Variants in WDR27 observed in about 807,000 individuals in gnomAD.
WDR27 encodes the protein WD repeat domain 27.
A neutral mutation model predicts 114.4 loss-of-function variants in WDR27; 100 were observed. The ratio of observed to expected loss-of-function variants is 0.87; its 90% CI spans 0.74 to 1.03. The LOEUF (loss-of-function observed/expected upper bound fraction) is 1.03, where lower values mean the gene tolerates loss of function less well. Among genes scored for constraint, WDR27 ranks in the 50% least tolerant of loss-of-function variants. The probability of loss-of-function intolerance (pLI) is 0.00; values close to 1 mark genes in which losing one functional copy is unlikely to be tolerated. For synonymous variants in WDR27, 449 were observed against 423.1 expected, an observed-to-expected ratio of 1.06 and a Z score of -0.75; for missense variants, 1,129 against 1,092.9, an observed-to-expected ratio of 1.03 and a Z score of -0.47.
At chr6:169,569,208 T>G (rs2128125050) in intron 25 of WDR27, among the ~76,000 whole-genome samples, 1 of 151,296 alleles carries the variant, frequency 6.6e-6, no homozygotes, top group South Asian at 2.1e-4. Flanking sequence ...ATTTATGGTT[T>G]ATTTTGATGT....
intron 23 of WDR27, among the ~76,000 whole-genome samples, chr6:169,591,106 C>A (rs1207178467): frequency 2.0e-5 from 3 of 152,156 alleles, no homozygotes; most frequent in African/African-American, 7.2e-5. Flanking sequence ...ACCGACTGTG[C>A]GGGAGCTCCC....
At chr6:169,566,505 CA>C (rs1214005356) in intron 25 of WDR27, among the ~76,000 whole-genome samples, 2 of 152,248 alleles carry the variant, frequency 1.3e-5, no homozygotes, top group African/African-American at 4.8e-5. Context: ...CAAACTATGT[CA>C]CGTGATGAGA....
chr6:169,662,206 G>GTT, intron 9 of WDR27, 98 bp downstream of exon 9: 1 of 1,423,230 alleles, frequency 7.0e-7, no homozygotes, highest in South Asian at 1.3e-5. Context: ...AAATAATTTG[G>GTT]TTTTATCTCA....
At chr6:169,514,282 A>C (rs1770808323) in intron 25 of WDR27, among the ~76,000 whole-genome samples, 1 of 151,422 alleles carries the variant, frequency 6.6e-6, no homozygotes, top group African/African-American at 2.4e-5. Flanking sequence ...AATTATTATA[A>C]ATTATTTCCT....
chr6:169,441,714 A>G, the WDR27 span, among the ~76,000 whole-genome samples: 2 of 152,232 alleles, frequency 1.3e-5, no homozygotes, highest in East Asian at 3.8e-4. Flanking sequence ...GCTAGTGCCA[A>G]TGAATTTTCT....
At chr6:169,474,434 G>A (rs1224966319) in intron 25 of WDR27, among the ~76,000 whole-genome samples, 1 of 152,092 alleles carries the variant, frequency 6.6e-6, no homozygotes, top group Non-Finnish European at 1.5e-5. Context: ...TTTATTATTA[G>A]AAACATGGTA....
At chr6:169,649,660 G>A (rs1308579039) in intron 14 of WDR27, among the ~76,000 whole-genome samples, 2 of 151,896 alleles carry the variant, frequency 1.3e-5, no homozygotes, top group Non-Finnish European at 2.9e-5. Flanking sequence ...GGCAGAACTG[G>A]GGAATCCATA....
In WDR27 at chr6:169,588,108, C is replaced by T. The variant is rs551597680; in HGVS notation, c.2425-5174G>A. ...GGTAACACACAATTTACTGGAGAGA[C>T]GAACAGCTCATGCAGAGGCGATGAG... On this transcript the variant is annotated intron_variant, in intron 23 of 25. Coordinates refer to ENST00000448612, the MANE Select transcript of WDR27 (RefSeq NM_182552.5). Among the ~76,000 whole-genome samples, 3 of 152,212 alleles carry T rather than the reference C, an allele frequency of 2.0e-5. No individual in the cohort carries two copies. The South Asian group carries it at 6.2e-4, about 32-fold the overall frequency.
chr6:169,570,366 A>G (rs1388653622), intron 25 of WDR27, among the ~76,000 whole-genome samples: 2 of 152,224 alleles, frequency 1.3e-5, no homozygotes, highest in African/African-American at 4.8e-5. Flanking sequence ...CAGGAGAGAA[A>G]AAGAACCTTC....
chr6:169,650,624 C>T (rs1487965675), intron 14 of WDR27, among the ~76,000 whole-genome samples: 1 of 147,664 alleles, frequency 6.8e-6, no homozygotes, highest in Non-Finnish European at 1.5e-5. Flanking sequence ...CATGCTCCCA[C>T]TCATCCATCT....
At position 169,667,849 on chromosome 6, in the gene WDR27, G is replaced by A. The variant is rs147268242; in HGVS notation, c.660+133C>T. On this transcript the variant is annotated intron_variant, in intron 5 of 25. Transcript: ENST00000448612. ...TTCTGTGGAAATCAGGATAGCGGGC[G>A]CCTTGCAGAAGTGAGGTAGAAACAA... 1.0e-3 allele frequency: 860 copies of A among 842,182 alleles called. 5 individuals are homozygous for A. The African/African-American group carries it at 0.013, about 13-fold the overall frequency. 52.2% of individuals were successfully genotyped at this position (842,182 alleles called of 1,614,324 possible). A position where few individuals can be genotyped will look rare whatever the true frequency, so the allele number is the denominator to read the frequency against.
intron 23 of WDR27, among the ~76,000 whole-genome samples, chr6:169,591,420 TTC>T (rs1170906457): frequency 5.3e-5 from 8 of 152,222 alleles, no homozygotes; most frequent in Non-Finnish European, 1.2e-4. Flanking sequence ...TTGTCTGCAA[TTC>T]TCTAAGAAAT....
chr6:169,644,115 G>A (rs1317465137), intron 16 of WDR27, among the ~76,000 whole-genome samples: 1 of 147,862 alleles, frequency 6.8e-6, no homozygotes, highest in East Asian at 2.1e-4. Context: ...CTAGTTCACA[G>A]GAGTCACACT....
At chr6:169,461,345 A>C (rs1029186498) in intron 25 of WDR27, among the ~76,000 whole-genome samples, 6 of 152,034 alleles carry the variant, frequency 3.9e-5, no homozygotes, top group African/African-American at 9.7e-5. Flanking sequence ...ACATTTTCCC[A>C]AAATAGATCA....
In WDR27 at chr6:169,468,576, C is replaced by T. The variant is rs1034983205; in HGVS notation, c.2646-10942G>A. ...TCAATTACCTCCCACCAGGTCCCTCCCATGACACATGGGGATTGTGGGAAC... is the reference window on the plus strand; with the variant it reads ...TCAATTACCTCCCACCAGGTCCCTCTCATGACACATGGGGATTGTGGGAAC... On this transcript the variant is annotated intron_variant, in intron 25 of 25. Transcript: ENST00000448612. Among the ~76,000 whole-genome samples, 8 of 152,196 alleles carry T rather than the reference C, an allele frequency of 5.3e-5. No individual in the cohort carries two copies. In the South Asian group the frequency reaches 6.2e-4, roughly 12 times the overall value.
intron 25 of WDR27, among the ~76,000 whole-genome samples, chr6:169,535,398 C>A (rs1457775085): frequency 6.6e-6 from 1 of 152,182 alleles, no homozygotes; most frequent in Non-Finnish European, 1.5e-5. Context: ...TTTCTTGGAT[C>A]TGACAATCAA....
At chr6:169,565,904 A>G (rs1800388931) in intron 25 of WDR27, among the ~76,000 whole-genome samples, 1 of 152,176 alleles carries the variant, frequency 6.6e-6, no homozygotes, top group Non-Finnish European at 1.5e-5. Context: ...TCAGCTTCCC[A>G]AAGTGTTGGG....
At chr6:169,465,286 TAAAG>T (rs1785430722) in intron 25 of WDR27, among the ~76,000 whole-genome samples, 2 of 121,158 alleles carry the variant, frequency 1.7e-5, no homozygotes, top group African/African-American at 6.5e-5. Flanking sequence ...AAAAAAGAAA[TAAAG>T]AAAAGATGCT....
At chr6:169,499,283 G>A (rs1182270064) in intron 25 of WDR27, among the ~76,000 whole-genome samples, 3 of 152,224 alleles carry the variant, frequency 2.0e-5, no homozygotes, top group Non-Finnish European at 2.9e-5. Context: ...CTACACACGC[G>A]GAGCTGCGCT....
Sources: allele counts gnomAD v4.1 joint callset (sites outside exome capture counted in the v4.1 genomes callset), GRCh38; gene constraint gnomAD v4.1.1; transcripts MANE v1.5; gene names NCBI Gene and HGNC (gene_info 2026-07-23, HGNC 2026-07-21).